Variants in PFKFB2 observed in about 807,000 individuals in gnomAD.
The protein encoded by PFKFB2 is 6-phosphofructo-2-kinase/fructose-2,6-biphosphatase 2.
A neutral mutation model predicts 68.0 loss-of-function variants in PFKFB2; 53 were observed. The observed-to-expected ratio is 0.78, with a 90% CI of 0.63 to 0.98. PFKFB2 has a LOEUF of 0.98. Among genes scored for constraint, PFKFB2 ranks in the 50% least tolerant of loss-of-function variants. The probability of loss-of-function intolerance (pLI) is 0.00; values close to 1 mark genes in which losing one functional copy is unlikely to be tolerated. For synonymous variants in PFKFB2, 222 were observed against 227.6 expected (o/e 0.98, Z 0.22); for missense variants, 451 against 642.0 (o/e 0.70, Z 3.22).
At chr1:207,045,597 C>CA (rs60778314) in intron 2 of PFKFB2, 4,564 of 134,100 alleles carry the variant, frequency 0.034, 49 homozygotes, top group Non-Finnish European at 0.042. Flanking sequence ...CCTGATTTGT[C>CA]AAAAAAAAAA....
intron 2 of PFKFB2, among the ~76,000 whole-genome samples, chr1:207,056,061 G>A (rs1208916101): frequency 2.0e-5 from 3 of 152,118 alleles, no homozygotes; most frequent in African/African-American, 4.8e-5. Flanking sequence ...CAAGTTGCTT[G>A]TTCTCTCCAT....
intron 2 of PFKFB2, among the ~76,000 whole-genome samples, chr1:207,043,278 G>T (rs994646818): frequency 1.4e-4 from 21 of 152,118 alleles, no homozygotes; most frequent in African/African-American, 4.8e-4. Flanking sequence ...TATGTTGGAT[G>T]TACACTGACC....
At chr1:207,038,185 T>C (rs1250122630) in intron 1 of PFKFB2, among the ~76,000 whole-genome samples, 2 of 152,202 alleles carry the variant, frequency 1.3e-5, no homozygotes, top group African/African-American at 4.8e-5. Flanking sequence ...TTCATTGACT[T>C]TATTCATTCA....
chr1:207,054,730 T>C lies in PFKFB2; in HGVS notation c.13T>C (p.Ser5Pro). 6.2e-7 allele frequency: 1 copy of C among 1,613,042 alleles called. No individual in the cohort carries two copies. The highest frequency in any genetic ancestry group is 1.1e-5 in the South Asian group (1 of 90,986). ...CTGAAGAGCTGCCATGTCTGGGGCA[T>C]CTTCCTCAGAACAGAACAACAACAG... MSGA[S>P]SSEQNNNSYE... Residue 5 changes from serine (S) to proline (P), a missense_variant, in exon 2 of 15, where the codon TCT becomes CCT. By Grantham distance (74) the Ser-to-Pro change is moderately conservative (BLOSUM62 -1). Transcript: ENST00000367080.
chr1:207,037,838 C>T (rs1682407124), intron 1 of PFKFB2, among the ~76,000 whole-genome samples: 1 of 152,162 alleles, frequency 6.6e-6, no homozygotes, highest in South Asian at 2.1e-4. Flanking sequence ...CTTTATAATT[C>T]TCAGTAATCA....
intron 2 of PFKFB2, chr1:207,047,875 C>T (rs1682636417): frequency 6.6e-6 from 1 of 152,130 alleles, no homozygotes; most frequent in African/African-American, 2.4e-5. Context: ...TGCAGATAAG[C>T]AAAGTGCTAA....
upstream of PFKFB2, chr1:207,051,061 G>C (rs115936855): frequency 3.4e-4 from 500 of 1,472,500 alleles, 5 homozygotes; most frequent in African/African-American, 6.4e-3. Context: ...TGCAGTTATC[G>C]CGACGCTTCG....
At chr1:207,034,787 G>A (rs772310982) in intron 1 of PFKFB2, among the ~76,000 whole-genome samples, 1 of 152,068 alleles carries the variant, frequency 6.6e-6, no homozygotes, top group African/African-American at 2.4e-5. Flanking sequence ...CATCACAGTC[G>A]AAGTTACTTA....
intron 2 of PFKFB2, among the ~76,000 whole-genome samples, chr1:207,059,443 G>A (rs779569597): frequency 1.3e-5 from 2 of 152,156 alleles, no homozygotes; most frequent in Non-Finnish European, 2.9e-5. Context: ...TTAAACCTGA[G>A]ACAGCTGATC....
chr1:207,036,057 C>T (rs928013868), intron 1 of PFKFB2, among the ~76,000 whole-genome samples: 1 of 152,098 alleles, frequency 6.6e-6, no homozygotes, highest in Non-Finnish European at 1.5e-5. Context: ...CATGTGAGAA[C>T]TTAGAACTTA....
Position 207,075,659 on chromosome 1 carries a change from T to G in PFKFB2, c.*3288T>G. 3 of 981,486 alleles carry G rather than the reference T, an allele frequency of 3.1e-6. No homozygotes were observed. The highest frequency in any genetic ancestry group is 3.6e-6 in the Non-Finnish European group (3 of 826,280). 60.8% of individuals were successfully genotyped at this position (981,486 alleles called of 1,614,324 possible). A position where few individuals can be genotyped will look rare whatever the true frequency, so the allele number is the denominator to read the frequency against. On this transcript the variant is annotated 3_prime_UTR_variant, in exon 15 of 15. Transcript: ENST00000367080. Reference sequence around the variant, plus strand: ...CTGGAATAAGCTGGTTGCTGTGGCTTATACCTGTAGTCCCAGATACTTGGG... The same window carrying G: ...CTGGAATAAGCTGGTTGCTGTGGCTGATACCTGTAGTCCCAGATACTTGGG...
In PFKFB2 at chr1:207,063,889, GT is replaced by G. The variant is rs1341316317; in HGVS notation, c.507+61del. Reference sequence around the variant, plus strand: ...CCTTTTGTGCTGTGTGTGTTGTGGGGTGTGTGTGTGTGTGTGTGTGTGTGTG... The same window carrying G: ...CCTTTTGTGCTGTGTGTGTTGTGGGGGTGTGTGTGTGTGTGTGTGTGTGTG... On this transcript the variant is annotated intron_variant, in intron 7 of 14. Coordinates refer to ENST00000367080, the MANE Select transcript of PFKFB2 (RefSeq NM_006212.2). The surrounding 1 kb of genome is among the most constrained non-coding windows in gnomAD (Gnocchi z 4.1). 130 of 335,696 alleles carry G rather than the reference GT, an allele frequency of 3.9e-4. 2 individuals are homozygous for G. The highest frequency in any genetic ancestry group is 2.0e-3 in the African/African-American group (38 of 19,072). The allele number at this position is 335,696 out of a possible 1,614,324, so 20.8% of individuals were successfully genotyped here. A position where few individuals can be genotyped will look rare whatever the true frequency, so the allele number is the denominator to read the frequency against.
At chr1:207,051,847 C>T (rs377237485), upstream of PFKFB2, among the ~76,000 whole-genome samples, 45 of 152,194 alleles carry the variant, frequency 3.0e-4, 1 homozygote, top group African/African-American at 1.1e-3. Flanking sequence ...GACTGTGCCT[C>T]GCAAATAAAA....
intron 2 of PFKFB2, chr1:207,060,710 A>C (rs1683060092): frequency 6.6e-6 from 1 of 152,114 alleles, no homozygotes; most frequent in Non-Finnish European, 1.5e-5. Flanking sequence ...CACTGGTAGA[A>C]TCTCCAAGCA....
In PFKFB2 at chr1:207,063,772, G is replaced by T. The variant is rs1683191195; in HGVS notation, c.451-1G>T. 6.2e-7 allele frequency: 1 copy of T among 1,613,616 alleles called. No individual in the cohort carries two copies. Among genetic ancestry groups the T allele is most frequent in the African/African-American group, 1.3e-5 (1 of 74,900 alleles). ...TATCACTGCCTTCTCTCCATGGCCA[G>T]GTATTCTTTGTGGAATCCGTCTGTG... On this transcript the variant is annotated splice_acceptor_variant, in intron 6 of 14. Transcript: ENST00000367080. LOFTEE classifies it high-confidence loss of function. This position sits in a 1 kb window ranked among gnomAD's most constrained non-coding sequence, Gnocchi z 4.1.
At chr1:207,071,382 A>G (rs1683460647) in intron 13 of PFKFB2, 127 bp from the exon 14 acceptor site, 1 of 1,046,532 alleles carries the variant, frequency 9.6e-7, no homozygotes, top group Non-Finnish European at 1.5e-6. Flanking sequence ...TCTGTTTTGA[A>G]AGGGATGTAT....
At position 207,068,207 on chromosome 1, in the gene PFKFB2, A is replaced by G; in HGVS notation, c.885A>G (p.Thr295=). Reference sequence around the variant, plus strand: ...AATTTCTGGAGGAACAGGAAATAACAGACCTCAAAGTGTGGACAAGCCAGT... The same window carrying G: ...AATTTCTGGAGGAACAGGAAATAACGGACCTCAAAGTGTGGACAAGCCAGT... ...LRKFLEEQEI[T]DLKVWTSQLK... Residue 295 remains threonine, a synonymous_variant, in exon 10 of 15, where the codon ACA becomes ACG. Coordinates refer to ENST00000367080, the MANE Select transcript of PFKFB2 (RefSeq NM_006212.2). 6.2e-7 allele frequency: 1 copy of G among 1,613,136 alleles called. No individual in the cohort carries two copies. The highest frequency in any genetic ancestry group is 2.2e-5 in the East Asian group (1 of 44,864).
In PFKFB2 at chr1:207,073,929, A is replaced by G. The variant is rs1402050573; in HGVS notation, c.*1558A>G. On this transcript the variant is annotated 3_prime_UTR_variant, in exon 15 of 15. Coordinates refer to ENST00000367080, the MANE Select transcript of PFKFB2 (RefSeq NM_006212.2). ...GTTATCTGCTGGTCTTTTAGAGGTA[A>G]CCAGTGAGAAGGAGTTAGCTATTTT... is the stretch of plus-strand genomic sequence containing the variant. 3 of 985,300 alleles carry G rather than the reference A, an allele frequency of 3.0e-6. No individual in the cohort carries two copies. The highest frequency in any genetic ancestry group is 3.6e-6 in the Non-Finnish European group (3 of 829,902). 61.0% of individuals were successfully genotyped at this position (985,300 alleles called of 1,614,324 possible).
chr1:207,057,419 A>G (rs1303328480), intron 2 of PFKFB2, among the ~76,000 whole-genome samples: 1 of 149,962 alleles, frequency 6.7e-6, no homozygotes, highest in Non-Finnish European at 1.5e-5. Context: ...CGGAGCTTGC[A>G]GTGAGCCGAG....
Sources: gnomAD v4.1 joint callset for allele counts (sites outside exome capture counted in the v4.1 genomes callset) on GRCh38, gnomAD v4.1.1 for gene constraint, Gnocchi (gnomAD v3.1) non-coding constraint, MANE v1.5 for transcripts, NCBI Gene and HGNC (gene_info 2026-07-23, HGNC 2026-07-21) for gene names.